LRRC37A: variants seen among roughly 807,000 people sequenced by gnomAD.
The protein encoded by LRRC37A is leucine-rich repeat-containing protein 37A.
A neutral mutation model predicts 35.4 loss-of-function variants in LRRC37A; 3 were observed. That is an observed-to-expected ratio of 0.08 (90% CI 0.04 to 0.22). The LOEUF is 0.22. Ranked by LOEUF, LRRC37A falls within the 10% of genes least tolerant of loss-of-function variation. LRRC37A has a pLI of 1.00. For synonymous variants in LRRC37A, 23 were observed against 215.0 expected (o/e 0.11, Z 7.81); for missense variants, 67 against 565.3 (o/e 0.12, Z 8.94).
At chr17:46,267,201 G>A in the LRRC37A span, 1 of 632,664 alleles carries the variant, frequency 1.6e-6, no homozygotes, top group South Asian at 2.2e-5. Flanking sequence ...CCGAGTCCCG[G>A]AGAATCCTGC....
At chr17:46,252,603 T>C in the LRRC37A span, among the ~76,000 whole-genome samples, 1 of 149,596 alleles carries the variant, frequency 6.7e-6, no homozygotes, top group South Asian at 2.1e-4. Context: ...TTCAAGCATC[T>C]GTTTAACAAA....
At chr17:46,257,893 G>C in the LRRC37A span, among the ~76,000 whole-genome samples, 1 of 152,138 alleles carries the variant, frequency 6.6e-6, no homozygotes. Flanking sequence ...CACTTTCTGT[G>C]GGCCAGGAAT....
the LRRC37A span, among the ~76,000 whole-genome samples, chr17:46,283,509 G>T: frequency 6.6e-6 from 1 of 152,218 alleles, no homozygotes; most frequent in Non-Finnish European, 1.5e-5. Context: ...TGCGATACAT[G>T]AAATACTTTA....
At chr17:46,270,218 G>C in the LRRC37A span, among the ~76,000 whole-genome samples, 1 of 152,228 alleles carries the variant, frequency 6.6e-6, no homozygotes, top group Admixed American at 6.5e-5. Flanking sequence ...AATGTGTCCT[G>C]ACGCTGTCCA....
the LRRC37A span, chr17:46,275,457 C>A: frequency 1.2e-6 from 1 of 830,346 alleles, no homozygotes; most frequent in South Asian, 1.4e-5. Flanking sequence ...GAGCACCTTT[C>A]ATTTTTGAAA....
chr17:46,270,932 A>G, the LRRC37A span, among the ~76,000 whole-genome samples: 18,465 of 152,160 alleles, frequency 0.12, no homozygotes, highest in Non-Finnish European at 0.18. Flanking sequence ...TATATGGCTA[A>G]TTTCTTTAGT....
chr17:46,274,540 G>C, the LRRC37A span, among the ~76,000 whole-genome samples: 2 of 152,182 alleles, frequency 1.3e-5, no homozygotes, highest in Non-Finnish European at 2.9e-5. Flanking sequence ...GTACTTTTAC[G>C]TACAGGAATC....
At chr17:46,258,452 A>C in the LRRC37A span, among the ~76,000 whole-genome samples, 1 of 151,804 alleles carries the variant, frequency 6.6e-6, no homozygotes, top group Non-Finnish European at 1.5e-5. Flanking sequence ...CTTGTGATCC[A>C]CCTGCCTTGG....
At chr17:46,266,999 GC>G in the LRRC37A span, 3 of 162,848 alleles carry the variant, frequency 1.8e-5, no homozygotes, top group Admixed American at 6.5e-5. Context: ...CGTTGTGCCG[GC>G]CCCCGGCTCG....
chr17:46,278,835 T>G, the LRRC37A span, among the ~76,000 whole-genome samples: 3 of 152,342 alleles, frequency 2.0e-5, no homozygotes, highest in South Asian at 6.2e-4. Flanking sequence ...TTTGCTCTTG[T>G]GGCCCAGGCT....
chr17:46,317,184 C>A (rs1331483466), intron 5 of LRRC37A, among the ~76,000 whole-genome samples: 1 of 77,042 alleles, frequency 1.3e-5, no homozygotes, highest in African/African-American at 3.3e-5. Flanking sequence ...CCCAGACGGG[C>A]ATGCCCAGTT....
Position 46,325,425 on chromosome 17 carries a change from AATGATCTTTC to A in LRRC37A, c.3053+2402_3053+2411del, listed in dbSNP as rs1216869764. On this transcript the variant is annotated intron_variant, in intron 7 of 13. Coordinates refer to ENST00000320254, the Ensembl canonical transcript of LRRC37A. ...CTCATTTGAGTCTTGGCTCATGTGT[AATGATCTTTC>A]ATGTGTATTGAAAAATTATTCTCAA... 2.6e-5 allele frequency among the ~76,000 whole-genome samples: 2 copies of A among 77,470 alleles called. 1 individual carries two copies. The highest frequency in any genetic ancestry group is 7.7e-5 in the Non-Finnish European group (2 of 25,828). The allele number at this position is 77,470 out of a possible 152,430, so 50.8% of individuals were successfully genotyped here. A position where few individuals can be genotyped will look rare whatever the true frequency, so the allele number is the denominator to read the frequency against.
upstream of LRRC37A, among the ~76,000 whole-genome samples, chr17:46,288,436 G>T (rs2049977994): frequency 6.6e-6 from 1 of 150,424 alleles, no homozygotes; most frequent in Non-Finnish European, 1.5e-5. Flanking sequence ...AGCTTCCCAA[G>T]TAGCTGGGAT....
chr17:46,269,721 C>T, the LRRC37A span, among the ~76,000 whole-genome samples: 1 of 152,224 alleles, frequency 6.6e-6, no homozygotes, highest in Admixed American at 6.5e-5. Context: ...CCAATGTGAA[C>T]TGTATTCTGA....
At chr17:46,268,313 T>C in the LRRC37A span, among the ~76,000 whole-genome samples, 5 of 152,226 alleles carry the variant, frequency 3.3e-5, no homozygotes, top group Non-Finnish European at 5.9e-5. Context: ...GCCACTGCAC[T>C]GGCCTGGTTG....
chr17:46,261,989 G>C, the LRRC37A span, among the ~76,000 whole-genome samples: 1 of 152,138 alleles, frequency 6.6e-6, no homozygotes, highest in Non-Finnish European at 1.5e-5. Flanking sequence ...TTGCTCTGTT[G>C]CCCAGGCTGG....
chr17:46,248,275 T>C, the LRRC37A span, among the ~76,000 whole-genome samples: 1 of 152,104 alleles, frequency 6.6e-6, no homozygotes, highest in South Asian at 2.1e-4. Context: ...CATTCACCCT[T>C]TTTAAGTGTA....
chr17:46,248,200 G>A, the LRRC37A span, among the ~76,000 whole-genome samples: 15 of 151,790 alleles, frequency 9.9e-5, no homozygotes, highest in South Asian at 6.2e-4. Flanking sequence ...ACCCTGTTGC[G>A]TTTTTAGGTT....
intron 7 of LRRC37A, among the ~76,000 whole-genome samples, chr17:46,324,269 T>TA (rs1420883299): frequency 1.1e-4 from 7 of 61,664 alleles, no homozygotes; most frequent in East Asian, 6.3e-4. Context: ...GGACTCTGTC[T>TA]AAAAAAAAAA....
Sources: allele counts gnomAD v4.1 joint callset (sites outside exome capture counted in the v4.1 genomes callset), GRCh38; gene constraint gnomAD v4.1.1; transcripts MANE v1.5; gene names NCBI Gene and HGNC (gene_info 2026-07-23, HGNC 2026-07-21).